Variants in SFXN5 observed in about 807,000 individuals in gnomAD.
SFXN5 encodes the protein sideroflexin-5.
SFXN5 carries 43 observed loss-of-function variants against 50.2 expected under a neutral mutation model. That is an observed-to-expected ratio of 0.86 (90% CI 0.67 to 1.11). SFXN5 has a LOEUF of 1.11. Among genes scored for constraint, SFXN5 ranks in the 50% least tolerant of loss-of-function variants. SFXN5 has a pLI of 0.00. For missense variants in SFXN5, 463 were observed against 454.1 expected (o/e 1.02, Z -0.18); for synonymous variants, 203 against 185.8 (o/e 1.09, Z -0.75).
chr2:73,021,166 G>A (rs921152462), intron 5 of SFXN5, among the ~76,000 whole-genome samples: 37 of 152,184 alleles, frequency 2.4e-4, no homozygotes, highest in African/African-American at 8.7e-4. Context: ...GTGAGAGCCT[G>A]CTGTGCCGGG....
rs1672430235 is a variant in SFXN5, at chr2:72,950,644, G to GT, written c.946-5546dup. ...CTCCCTTGAAGACCACCTCTCTGAG[G>GT]TAAGTGTGGGGCCAAGTTTTCTCCA... On this transcript the variant is annotated intron_variant, in intron 13 of 13. Transcript: ENST00000272433. This position sits in a 1 kb window ranked among gnomAD's most constrained non-coding sequence, Gnocchi z 4.2. Among the ~76,000 whole-genome samples the GT allele has an allele frequency of 6.6e-6, 1 of 152,254 alleles. No homozygotes were observed. Among genetic ancestry groups the GT allele is most frequent in the African/African-American group, 2.4e-5 (1 of 41,464 alleles).
intron 3 of SFXN5, among the ~76,000 whole-genome samples, chr2:73,030,334 C>A (rs142687934): frequency 1.4e-4 from 21 of 151,890 alleles, no homozygotes; most frequent in Non-Finnish European, 2.8e-4. Flanking sequence ...CGACCAAAAC[C>A]CTTGAATGAA....
rs529473433 is a variant in SFXN5 at position 73,043,322 on chromosome 2, T to C, written c.172-2391A>G. Among the ~76,000 whole-genome samples the C allele has an allele frequency of 3.5e-4, 53 of 152,270 alleles. 1 individual carries two copies. Among genetic ancestry groups the C allele is most frequent in the Middle Eastern group, 6.8e-3 (2 of 294 alleles). ...AAGGATGTAGCCTCAGGAAGGGCCC[T>C]CAGTAGGGAACACAGGGTTTTCTGA... On this transcript the variant is annotated intron_variant, in intron 2 of 13. Coordinates refer to ENST00000272433, the MANE Select transcript of SFXN5 (RefSeq NM_144579.3).
chr2:72,957,405 C>T (rs1673220720), intron 13 of SFXN5, among the ~76,000 whole-genome samples: 1 of 152,204 alleles, frequency 6.6e-6, no homozygotes, highest in African/African-American at 2.4e-5. Flanking sequence ...GCAGATAAAA[C>T]TCTCCCCCAG....
At chr2:73,028,668 A>T (rs1236560392) in intron 3 of SFXN5, among the ~76,000 whole-genome samples, 3 of 152,220 alleles carry the variant, frequency 2.0e-5, no homozygotes, top group Non-Finnish European at 1.5e-5. Flanking sequence ...ATTGAGTCTC[A>T]CAAATGATAC....
chr2:73,009,967 T>C (rs1353886401), intron 6 of SFXN5, among the ~76,000 whole-genome samples: 1 of 152,218 alleles, frequency 6.6e-6, no homozygotes, highest in Non-Finnish European at 1.5e-5. Context: ...GATAATTGTG[T>C]AAGGGTCCAT....
intron 3 of SFXN5, among the ~76,000 whole-genome samples, chr2:73,028,283 G>A (rs1677855186): frequency 2.0e-5 from 3 of 152,234 alleles, no homozygotes; most frequent in African/African-American, 7.2e-5. Context: ...AGCCCAATGG[G>A]AGAATGGAGC....
intron 2 of SFXN5, among the ~76,000 whole-genome samples, chr2:73,048,880 C>T (rs1162878120): frequency 2.6e-5 from 4 of 152,150 alleles, no homozygotes; most frequent in Admixed American, 2.6e-4. Context: ...CCTTTCTTCT[C>T]CTTTGTAATT....
chr2:72,980,640 C>T (rs1671180611), intron 10 of SFXN5, among the ~76,000 whole-genome samples: 1 of 152,180 alleles, frequency 6.6e-6, no homozygotes, highest in South Asian at 2.1e-4. Flanking sequence ...TAGGCTGACT[C>T]GGAAGTTTGG....
intron 2 of SFXN5, chr2:73,049,811 A>T (rs1680997093): frequency 6.6e-6 from 1 of 152,228 alleles, no homozygotes; most frequent in Non-Finnish European, 1.5e-5. Context: ...GTCTGAAGTC[A>T]GAGTCTCATC....
Position 73,029,488 on chromosome 2 carries a change from C to A in SFXN5, c.250-6274G>T, listed in dbSNP as rs76353549. ...GTAACTTCATCTCTATTGTTTTATC[C>A]CCCAAATGCCTGGGAGGTAGACAGA... is the stretch of plus-strand genomic sequence containing the variant. On this transcript the variant is annotated intron_variant, in intron 3 of 13. Transcript: ENST00000272433. Among the ~76,000 whole-genome samples, 1,430 of 151,948 alleles carry A rather than the reference C, an allele frequency of 9.4e-3. 13 individuals are homozygous for A. The highest frequency in any genetic ancestry group is 0.016 in the Non-Finnish European group (1,083 of 67,962).
At chr2:73,004,796 GC>G (rs1674407747) in intron 6 of SFXN5, among the ~76,000 whole-genome samples, 1 of 152,246 alleles carries the variant, frequency 6.6e-6, no homozygotes, top group African/African-American at 2.4e-5. Context: ...GAGGATGCCA[GC>G]CCAATTCCCT....
intron 2 of SFXN5, among the ~76,000 whole-genome samples, chr2:73,045,598 T>C (rs1680220858): frequency 6.6e-6 from 1 of 152,014 alleles, no homozygotes; most frequent in African/African-American, 2.4e-5. Flanking sequence ...GGAGGTTATG[T>C]TCCACCATGT....
intron 2 of SFXN5, among the ~76,000 whole-genome samples, chr2:73,053,771 G>C (rs1681707841): frequency 6.6e-6 from 1 of 152,122 alleles, no homozygotes; most frequent in Non-Finnish European, 1.5e-5. Flanking sequence ...CCAGCTTCCA[G>C]AGCCACCTCC....
At chr2:73,059,051 G>T in intron 1 of SFXN5, 2 of 996,910 alleles carry the variant, frequency 2.0e-6, no homozygotes, top group Middle Eastern at 5.1e-4. Flanking sequence ...GCCTCCAGGG[G>T]GGATCCCCAA....
intron 1 of SFXN5, among the ~76,000 whole-genome samples, chr2:73,066,784 A>G (rs140021512): frequency 3.2e-4 from 49 of 152,284 alleles, no homozygotes; most frequent in African/African-American, 1.1e-3. Flanking sequence ...AACAATCATT[A>G]GAGGCCAGGG....
chr2:73,052,973 T>A (rs1479568778), intron 2 of SFXN5, among the ~76,000 whole-genome samples: 1 of 151,744 alleles, frequency 6.6e-6, no homozygotes, highest in African/African-American at 2.4e-5. Flanking sequence ...AGGTCAGGAG[T>A]TCAAGACCAG....
At chr2:73,012,877 G>GT (rs1346648073) in intron 6 of SFXN5, among the ~76,000 whole-genome samples, 1 of 152,044 alleles carries the variant, frequency 6.6e-6, no homozygotes, top group Non-Finnish European at 1.5e-5. Context: ...GTAGCGTTAG[G>GT]TAAGTCATAT....
rs536946899 is a variant in SFXN5, at chr2:72,998,518, G to C, written c.534+431C>G. 3 of 178,022 alleles carry C rather than the reference G, an allele frequency of 1.7e-5. No individual in the cohort carries two copies. The South Asian group carries it at 4.0e-4, about 24-fold the overall frequency. The allele number at this position is 178,022 out of a possible 1,614,324, so 11.0% of individuals were successfully genotyped here. ...CGTGTGACACCAGTAAGGCCATAGAGAGGGAAAAGCAGTGCCCCGGCAGCT... is the reference window on the plus strand; with the variant it reads ...CGTGTGACACCAGTAAGGCCATAGACAGGGAAAAGCAGTGCCCCGGCAGCT... On this transcript the variant is annotated intron_variant, in intron 9 of 13. Coordinates refer to ENST00000272433, the MANE Select transcript of SFXN5 (RefSeq NM_144579.3).
Sources: gnomAD v4.1 joint callset for allele counts (sites outside exome capture counted in the v4.1 genomes callset) on GRCh38, gnomAD v4.1.1 for gene constraint, Gnocchi (gnomAD v3.1) non-coding constraint, MANE v1.5 for transcripts, NCBI Gene and HGNC (gene_info 2026-07-23, HGNC 2026-07-21) for gene names.